PTPRK: variants seen among roughly 807,000 people sequenced by gnomAD.
The protein encoded by PTPRK is protein tyrosine phosphatase receptor type K, also known as receptor-type tyrosine-protein phosphatase kappa.
In PTPRK, 75 loss-of-function variants were observed where a neutral mutation model predicts 178.0. The ratio of observed to expected loss-of-function variants is 0.42; its 90% CI spans 0.35 to 0.51. The LOEUF is 0.51. PTPRK is among the 20% of genes least tolerant of loss of function. The probability of loss-of-function intolerance (pLI) is 0.02; values close to 1 mark genes in which losing one functional copy is unlikely to be tolerated. For synonymous variants in PTPRK, 637 were observed against 620.6 expected, an observed-to-expected ratio of 1.03 and a Z score of -0.39; for missense variants, 1,441 against 1,797.8, an observed-to-expected ratio of 0.80 and a Z score of 3.59.
intron 1 of PTPRK, among the ~76,000 whole-genome samples, chr6:128,453,924 T>C (rs1848095423): frequency 6.6e-6 from 1 of 152,172 alleles, no homozygotes; most frequent in Non-Finnish European, 1.5e-5. Context: ...CAAATAGCCC[T>C]GGCAGGTAAA....
chr6:128,308,916 C>T (rs778993138), intron 3 of PTPRK, among the ~76,000 whole-genome samples: 11 of 152,006 alleles, frequency 7.2e-5, no homozygotes, highest in Non-Finnish European at 1.3e-4. Context: ...TGGTGTACAC[C>T]GGAGTAGGCC....
intron 2 of PTPRK, among the ~76,000 whole-genome samples, chr6:128,351,433 T>C (rs752187975): frequency 3.9e-5 from 6 of 152,304 alleles, no homozygotes; most frequent in East Asian, 3.9e-4. Context: ...ACTGAAAAGT[T>C]TGTTAAAGAA....
At chr6:127,999,448 C>T (rs913356873) in intron 15 of PTPRK, among the ~76,000 whole-genome samples, 14 of 151,976 alleles carry the variant, frequency 9.2e-5, no homozygotes, top group African/African-American at 3.4e-4. Flanking sequence ...ATGATCACCC[C>T]CTGATGCCAC....
At chr6:128,070,079 C>T (rs1413903188) in intron 11 of PTPRK, among the ~76,000 whole-genome samples, 1 of 151,914 alleles carries the variant, frequency 6.6e-6, no homozygotes, top group Non-Finnish European at 1.5e-5. Context: ...AAATGATTTC[C>T]ACATAATTTA....
At chr6:128,236,522 T>C (rs912827412) in intron 5 of PTPRK, among the ~76,000 whole-genome samples, 1 of 151,914 alleles carries the variant, frequency 6.6e-6, no homozygotes, top group Non-Finnish European at 1.5e-5. Flanking sequence ...CTAATTTTTG[T>C]ATTTTTAGTA....
chr6:127,976,548 T>G, intron 27 of PTPRK, 109 bp downstream of exon 27: 18 of 1,304,256 alleles, frequency 1.4e-5, no homozygotes, highest in Non-Finnish European at 1.1e-6. Context: ...AGGTGGATGA[T>G]ATAGTGCTTA....
intron 3 of PTPRK, among the ~76,000 whole-genome samples, chr6:128,285,855 A>C (rs1258858013): frequency 1.3e-5 from 2 of 152,036 alleles, no homozygotes; most frequent in African/African-American, 4.8e-5. Context: ...TGTCATAGGA[A>C]AGTTAGAAAT....
At chr6:128,180,597 AAAAC>A (rs1316609218) in intron 7 of PTPRK, among the ~76,000 whole-genome samples, 4 of 152,098 alleles carry the variant, frequency 2.6e-5, no homozygotes, top group South Asian at 2.1e-4. Context: ...CTTTGGAAGG[AAAAC>A]AAACAAACAA....
intron 1 of PTPRK, among the ~76,000 whole-genome samples, chr6:128,453,585 T>C (rs1848050723): frequency 6.6e-6 from 1 of 152,128 alleles, no homozygotes; most frequent in Admixed American, 6.6e-5. Flanking sequence ...GATGAACAAA[T>C]ATAAGGAAGC....
At chr6:128,152,707 C>T (rs145524167) in intron 7 of PTPRK, among the ~76,000 whole-genome samples, 192 of 151,844 alleles carry the variant, frequency 1.3e-3, no homozygotes, top group African/African-American at 2.4e-3. Flanking sequence ...TCCCCTAAGA[C>T]GGTGATAAAG....
intron 11 of PTPRK, among the ~76,000 whole-genome samples, chr6:128,073,527 C>A (rs1783218664): frequency 6.6e-6 from 1 of 151,932 alleles, no homozygotes; most frequent in Non-Finnish European, 1.5e-5. Flanking sequence ...TCTCTTCCTG[C>A]ATAACATATT....
intron 1 of PTPRK, among the ~76,000 whole-genome samples, chr6:128,425,851 T>C (rs1374037589): frequency 6.6e-6 from 1 of 152,228 alleles, no homozygotes; most frequent in Non-Finnish European, 1.5e-5. Context: ...CAGGCTTACA[T>C]TTCCCAATAA....
At chr6:128,132,739 A>T (rs573796770) in intron 7 of PTPRK, among the ~76,000 whole-genome samples, 313 of 152,340 alleles carry the variant, frequency 2.1e-3, no homozygotes, top group Non-Finnish European at 3.9e-3. Context: ...ACCATACACA[A>T]CCTGTGTTCT....
chr6:128,519,068 A>G lies in PTPRK; in HGVS notation c.100+1191T>C, dbSNP rs750928403. 5.6e-6 allele frequency: 3 copies of G among 531,682 alleles called. No homozygotes were observed. Among genetic ancestry groups the G allele is most frequent in the Non-Finnish European group, 7.7e-6 (2 of 259,428 alleles). The allele number at this position is 531,682 out of a possible 1,614,324, so 32.9% of individuals were successfully genotyped here. A position where few individuals can be genotyped will look rare whatever the true frequency, so the allele number is the denominator to read the frequency against. On this transcript the variant is annotated intron_variant, in intron 1 of 29. Coordinates refer to ENST00000368226, the MANE Select transcript of PTPRK (RefSeq NM_002844.4). This position sits in a 1 kb window ranked among gnomAD's most constrained non-coding sequence, Gnocchi z 4.3. ...TGTCGCTTTTCCCGTCTTCTCCATC[A>G]CCCTCTGGCCACCACTGCGTCTCCA...
At chr6:128,450,030 C>G (rs1193083489) in intron 1 of PTPRK, among the ~76,000 whole-genome samples, 1 of 151,342 alleles carries the variant, frequency 6.6e-6, no homozygotes, top group East Asian at 1.9e-4. Context: ...ATCACTTGAA[C>G]CCAGGTTGGG....
chr6:128,247,550 C>G (rs979530940), intron 3 of PTPRK, among the ~76,000 whole-genome samples: 3 of 152,064 alleles, frequency 2.0e-5, no homozygotes, highest in Non-Finnish European at 4.4e-5. Flanking sequence ...AACTCCTAGC[C>G]TCAAGTGATC....
intron 10 of PTPRK, among the ~76,000 whole-genome samples, chr6:128,080,588 C>T (rs6919786): frequency 6.2e-4 from 94 of 151,968 alleles, no homozygotes; most frequent in African/African-American, 2.2e-3. Flanking sequence ...AATACATGCA[C>T]AATATGTAGT....
intron 7 of PTPRK, among the ~76,000 whole-genome samples, chr6:128,123,735 T>C (rs1368784593): frequency 1.3e-5 from 2 of 152,216 alleles, no homozygotes; most frequent in Non-Finnish European, 2.9e-5. Flanking sequence ...TCTTCTAAGT[T>C]CTGTGAGTTT....
intron 2 of PTPRK, among the ~76,000 whole-genome samples, chr6:128,395,010 T>G (rs976525560): frequency 2.6e-5 from 4 of 152,178 alleles, no homozygotes; most frequent in African/African-American, 4.8e-5. Context: ...TGTTTTGTTT[T>G]TGTTTGTGTT....
Sources: gnomAD v4.1 joint callset for allele counts (sites outside exome capture counted in the v4.1 genomes callset) on GRCh38, gnomAD v4.1.1 for gene constraint, Gnocchi (gnomAD v3.1) non-coding constraint, MANE v1.5 for transcripts, NCBI Gene and HGNC (gene_info 2026-07-23, HGNC 2026-07-21) for gene names.